Variants in WWOX observed in about 807,000 individuals in gnomAD.
WWOX encodes the protein WW domain-containing oxidoreductase.
WWOX carries 69 observed loss-of-function variants against 46.2 expected under a neutral mutation model. That is an observed-to-expected ratio of 1.49 (90% confidence interval 1.23 to 1.82). WWOX has a LOEUF of 1.82. Among genes scored for constraint, WWOX ranks in the 40% most tolerant of loss-of-function variants. The pLI is 0.00. For synonymous variants in WWOX, 359 were observed against 202.6 expected, an observed-to-expected ratio of 1.77 and a Z score of -6.56; for missense variants, 919 against 542.6, an observed-to-expected ratio of 1.69 and a Z score of -6.89.
At chr16:79,182,239 A>G (rs2050926675) in intron 8 of WWOX, among the ~76,000 whole-genome samples, 1 of 151,788 alleles carries the variant, frequency 6.6e-6, no homozygotes, top group South Asian at 2.1e-4. Context: ...CTGGGGCTGT[A>G]CACGTCTTTG....
At chr16:78,397,061 T>C (rs1273428540) in intron 6 of WWOX, among the ~76,000 whole-genome samples, 1 of 152,190 alleles carries the variant, frequency 6.6e-6, no homozygotes, top group Non-Finnish European at 1.5e-5. Context: ...TCAAGGTAAA[T>C]AAGTGTTGAG....
intron 8 of WWOX, among the ~76,000 whole-genome samples, chr16:78,790,250 T>A (rs937222234): frequency 1.3e-5 from 2 of 152,176 alleles, no homozygotes; most frequent in African/African-American, 4.8e-5. Flanking sequence ...TTGTCCTGCC[T>A]CAGCCTCCCT....
chr16:78,624,937 C>T (rs988796385), intron 8 of WWOX, among the ~76,000 whole-genome samples: 2 of 152,124 alleles, frequency 1.3e-5, no homozygotes, highest in African/African-American at 2.4e-5. Context: ...TTCATTTTAC[C>T]TAAAGGGTAA....
chr16:78,923,056 A>G (rs1597155443), intron 8 of WWOX, among the ~76,000 whole-genome samples: 1 of 146,408 alleles, frequency 6.8e-6, no homozygotes, highest in Non-Finnish European at 1.5e-5. Flanking sequence ...ATGTTGGTCC[A>G]CCTCAACCTC....
At chr16:78,627,003 A>G (rs1053120691) in intron 8 of WWOX, among the ~76,000 whole-genome samples, 7 of 151,614 alleles carry the variant, frequency 4.6e-5, no homozygotes, top group African/African-American at 7.3e-5. Context: ...TTTTGTTTTC[A>G]CTTCTTTTTT....
rs556652417 is a variant in WWOX at position 78,216,197 on chromosome 16, A to C, written c.516+51908A>C. 5.9e-5 allele frequency among the ~76,000 whole-genome samples: 9 copies of C among 152,344 alleles called. No homozygotes were observed. The South Asian group carries it at 1.7e-3, about 28-fold the overall frequency. ...GAAAAGTAAAATAATAAATATATAC[A>C]TAAAAACAATGGGGGGAGTAATAAT... On this transcript the variant is annotated intron_variant, in intron 5 of 8. Transcript: ENST00000566780.
intron 8 of WWOX, among the ~76,000 whole-genome samples, chr16:79,075,883 G>A (rs984141557): frequency 6.6e-6 from 1 of 152,112 alleles, no homozygotes; most frequent in Non-Finnish European, 1.5e-5. Context: ...TCAGAATTAT[G>A]TTTTTTCCTG....
intron 8 of WWOX, among the ~76,000 whole-genome samples, chr16:78,796,827 CTT>C (rs530486192): frequency 2.9e-4 from 38 of 133,056 alleles, no homozygotes; most frequent in Non-Finnish European, 2.6e-4. Flanking sequence ...TTATCTTCTT[CTT>C]TTTTTTTTTT....
chr16:78,793,172 A>G (rs534187949), intron 8 of WWOX, among the ~76,000 whole-genome samples: 2 of 152,302 alleles, frequency 1.3e-5, no homozygotes, highest in Non-Finnish European at 2.9e-5. Flanking sequence ...TCATGGGATC[A>G]AGTGATCTTC....
chr16:78,409,301 A>G (rs2082619760), intron 6 of WWOX, among the ~76,000 whole-genome samples: 2 of 152,320 alleles, frequency 1.3e-5, no homozygotes, highest in East Asian at 1.9e-4. Context: ...TAGAGCTGCC[A>G]TCATCACTGT....
intron 8 of WWOX, among the ~76,000 whole-genome samples, chr16:78,879,317 G>T (rs1043889957): frequency 6.6e-6 from 1 of 152,166 alleles, no homozygotes; most frequent in Admixed American, 6.5e-5. Flanking sequence ...TTGATAAATG[G>T]TGGACCCTCT....
intron 6 of WWOX, among the ~76,000 whole-genome samples, chr16:78,409,851 C>T (rs1477454103): frequency 6.6e-6 from 1 of 152,192 alleles, no homozygotes; most frequent in Non-Finnish European, 1.5e-5. Flanking sequence ...GTCCCATTTC[C>T]CTCTAGCCAC....
intron 5 of WWOX, among the ~76,000 whole-genome samples, chr16:78,310,941 C>T (rs1413912564): frequency 6.6e-6 from 1 of 152,154 alleles, no homozygotes; most frequent in African/African-American, 2.4e-5. Flanking sequence ...GGAGTGGATG[C>T]TTGGGAAGCC....
chr16:78,622,251 G>A (rs914112157), intron 8 of WWOX, among the ~76,000 whole-genome samples: 1 of 152,088 alleles, frequency 6.6e-6, no homozygotes, highest in African/African-American at 2.4e-5. Flanking sequence ...TGATAAAAGT[G>A]AACCCTTGTG....
At chr16:78,475,708 G>A (rs781367015) in intron 8 of WWOX, among the ~76,000 whole-genome samples, 2 of 152,110 alleles carry the variant, frequency 1.3e-5, no homozygotes, top group Non-Finnish European at 2.9e-5. Context: ...TGATTCTGAT[G>A]TCTCAGCCTC....
rs563797068 is a variant in WWOX, at chr16:78,393,029, C to G, written c.605+6081C>G. Among the ~76,000 whole-genome samples the G allele has an allele frequency of 2.0e-5, 3 of 152,214 alleles. No homozygotes were observed. In the East Asian group the frequency reaches 5.8e-4, roughly 29 times the overall value. On this transcript the variant is annotated intron_variant, in intron 6 of 8. Coordinates refer to ENST00000566780, the MANE Select transcript of WWOX (RefSeq NM_016373.4). ...TATTTTGGGCATTACTGGAAAGTTC[C>G]AAACCAAAGCCTGTGGTAAGTTCCA...
chr16:79,046,692 C>G (rs764477959), intron 8 of WWOX, among the ~76,000 whole-genome samples: 1 of 152,194 alleles, frequency 6.6e-6, no homozygotes, highest in African/African-American at 2.4e-5. Context: ...AGATTTTGAA[C>G]CGACTCTGGT....
At chr16:78,567,030 TCATA>T (rs139088109) in intron 8 of WWOX, among the ~76,000 whole-genome samples, 4,841 of 152,022 alleles carry the variant, frequency 0.032, 103 homozygotes, top group Middle Eastern at 0.071. Flanking sequence ...GAGGCTGAAG[TCATA>T]CATTCATTAT....
intron 8 of WWOX, among the ~76,000 whole-genome samples, chr16:78,815,604 G>A (rs1490808874): frequency 6.6e-6 from 1 of 152,124 alleles, no homozygotes; most frequent in South Asian, 2.1e-4. Flanking sequence ...CACATTTATG[G>A]GGGCAGAGGG....
Sources: allele counts gnomAD v4.1 joint callset (sites outside exome capture counted in the v4.1 genomes callset), GRCh38; gene constraint gnomAD v4.1.1; transcripts MANE v1.5; gene names NCBI Gene and HGNC (gene_info 2026-07-23, HGNC 2026-07-21).